The following VPS54 variants were observed in gnomAD, a reference collection of about 807,000 sequenced individuals.
The protein encoded by VPS54 is vacuolar protein sorting-associated protein 54.
A neutral mutation model predicts 121.5 loss-of-function variants in VPS54; 45 were observed. The ratio of observed to expected loss-of-function variants is 0.37; its 90% CI spans 0.29 to 0.47. The LOEUF (loss-of-function observed/expected upper bound fraction) is 0.47, where lower values mean the gene tolerates loss of function less well. VPS54 is among the 20% of genes least tolerant of loss of function. The pLI is 0.99. For missense variants in VPS54, 1,090 were observed against 1,131.4 expected (o/e 0.96, Z 0.52); for synonymous variants, 371 against 385.8 (o/e 0.96, Z 0.45).
At chr2:63,998,657 T>C (rs1337861630) in intron 1 of VPS54, among the ~76,000 whole-genome samples, 2 of 152,118 alleles carry the variant, frequency 1.3e-5, no homozygotes, top group Non-Finnish European at 2.9e-5. Flanking sequence ...ACACTGCTTG[T>C]ATAAATAGGC....
At chr2:63,989,587 C>T (rs1430169191) in intron 1 of VPS54, among the ~76,000 whole-genome samples, 3 of 152,084 alleles carry the variant, frequency 2.0e-5, no homozygotes, top group African/African-American at 7.2e-5. Flanking sequence ...CCTAAGTGCA[C>T]GTGGGAACCC....
chr2:63,980,761 A>G (rs1456253725), intron 3 of VPS54, among the ~76,000 whole-genome samples: 1 of 152,218 alleles, frequency 6.6e-6, no homozygotes. Flanking sequence ...TAGAAAAACC[A>G]AATTATAGGT....
At chr2:64,008,266 T>C (rs1678259052) in intron 1 of VPS54, among the ~76,000 whole-genome samples, 1 of 151,898 alleles carries the variant, frequency 6.6e-6, no homozygotes, top group Non-Finnish European at 1.5e-5. Flanking sequence ...TACGAAAAAT[T>C]AGCCGGGCAT....
intron 14 of VPS54, 116 bp from the exon 15 acceptor site, chr2:63,920,111 A>C (rs1390150683): frequency 1.3e-6 from 1 of 760,244 alleles, no homozygotes; most frequent in Admixed American, 3.3e-5. Context: ...AAAGTGCTGA[A>C]CACTTTAATA....
intron 4 of VPS54, among the ~76,000 whole-genome samples, chr2:63,971,667 A>G (rs997676511): frequency 2.6e-5 from 4 of 152,254 alleles, no homozygotes; most frequent in South Asian, 4.1e-4. Context: ...CGCATGTTAT[A>G]AAACATTACC....
intron 20 of VPS54, among the ~76,000 whole-genome samples, chr2:63,900,123 G>A (rs189072668): frequency 6.7e-6 from 1 of 148,706 alleles, no homozygotes; most frequent in African/African-American, 2.5e-5. Context: ...AGGAGGCTGA[G>A]ACAGGAGAAT....
At chr2:63,949,232 G>C (rs142886145) in intron 7 of VPS54, 69 bp from the exon 8 acceptor site, 2 of 1,486,364 alleles carry the variant, frequency 1.3e-6, no homozygotes, top group Admixed American at 4.4e-5. Flanking sequence ...ACAATCAAGG[G>C]AACTAGTAGG....
intron 19 of VPS54, 34 bp downstream of exon 19, chr2:63,912,506 A>C: frequency 6.2e-7 from 1 of 1,611,268 alleles, no homozygotes; most frequent in Non-Finnish European, 8.5e-7. Context: ...ATCTAAACTT[A>C]TGAAACGCCA....
chr2:63,938,204 G>A (rs1020079866), intron 11 of VPS54, among the ~76,000 whole-genome samples: 5 of 151,984 alleles, frequency 3.3e-5, no homozygotes, highest in African/African-American at 7.2e-5. Flanking sequence ...GGTCTCAAGC[G>A]ATTCTCCTGC....
chr2:63,946,054 T>C (rs534983547), intron 9 of VPS54, among the ~76,000 whole-genome samples: 4 of 152,140 alleles, frequency 2.6e-5, no homozygotes, highest in Non-Finnish European at 5.9e-5. Context: ...CAGTTACTAC[T>C]TCCTCCCAAA....
At position 63,908,008 on chromosome 2, in the gene VPS54, T is replaced by C. The variant is rs569443741; in HGVS notation, c.2625+4337A>G. Reference sequence around the variant, plus strand: ...TTTAGAAAAATTTTGCAGTTTCTTATAAAGTTACCATAAAATTTTATATTT... The same window carrying C: ...TTTAGAAAAATTTTGCAGTTTCTTACAAAGTTACCATAAAATTTTATATTT... On this transcript the variant is annotated intron_variant, in intron 20 of 22. Coordinates refer to ENST00000272322, the MANE Select transcript of VPS54 (RefSeq NM_016516.3). Among the ~76,000 whole-genome samples, 41 of 152,322 alleles carry C rather than the reference T, an allele frequency of 2.7e-4. 1 individual carries two copies. The South Asian group carries it at 8.3e-3, about 31-fold the overall frequency.
intron 15 of VPS54, among the ~76,000 whole-genome samples, chr2:63,918,994 T>A (rs1234075547): frequency 6.6e-6 from 1 of 152,086 alleles, no homozygotes; most frequent in Non-Finnish European, 1.5e-5. Context: ...TCTAGTTGCA[T>A]TTTGTGCGAA....
chr2:63,913,513 G>GA (rs1575898818), intron 17 of VPS54, among the ~76,000 whole-genome samples: 2 of 151,968 alleles, frequency 1.3e-5, no homozygotes, highest in Non-Finnish European at 2.9e-5. Context: ...TTACTGATAA[G>GA]AAAAAAGTTG....
At position 63,914,239 on chromosome 2, in the gene VPS54, C is replaced by G; in HGVS notation, c.2277G>C (p.Val759=). Reference sequence around the variant, plus strand: ...CAGTAGTAACAGATGGGATGTTATCCACACACTGGCAATATTCAAGGATAA... The same window carrying G: ...CAGTAGTAACAGATGGGATGTTATCGACACACTGGCAATATTCAAGGATAA... ...IRIILEYCQC[V]DNIPSVTTDM... Residue 759 remains valine (V), a synonymous_variant, in exon 17 of 23, where the codon GTG becomes GTC. Transcript: ENST00000272322. 2 of 1,613,418 alleles carry G rather than the reference C, an allele frequency of 1.2e-6. No homozygotes were observed. The highest frequency in any genetic ancestry group is 1.7e-6 in the Non-Finnish European group (2 of 1,179,674).
At chr2:64,004,104 G>A (rs1424722042) in intron 1 of VPS54, among the ~76,000 whole-genome samples, 1 of 151,820 alleles carries the variant, frequency 6.6e-6, no homozygotes, top group Admixed American at 6.6e-5. Context: ...GGGACAACTT[G>A]AGCATATTTT....
intron 7 of VPS54, among the ~76,000 whole-genome samples, chr2:63,953,744 G>A (rs775313577): frequency 1.3e-5 from 2 of 152,238 alleles, no homozygotes; most frequent in African/African-American, 2.4e-5. Context: ...TTTAAATGGC[G>A]ACTTATGGTA....
chr2:64,018,801 C>T (rs908302783), intron 1 of VPS54, 137 bp downstream of exon 1: 1 of 147,890 alleles, frequency 6.8e-6, no homozygotes, highest in African/African-American at 2.5e-5. Context: ...GCTTCAGTGC[C>T]GGTCAGCTGT....
At chr2:63,990,053 T>C (rs553233516) in intron 1 of VPS54, among the ~76,000 whole-genome samples, 43 of 152,334 alleles carry the variant, frequency 2.8e-4, no homozygotes, top group Admixed American at 1.8e-3. Context: ...TTTGGGGTGA[T>C]TGGGCCTTGG....
chr2:63,921,380 T>C (rs775297748), intron 12 of VPS54, 45 bp from the exon 13 acceptor site: 7 of 1,602,100 alleles, frequency 4.4e-6, no homozygotes, highest in South Asian at 2.2e-5. Flanking sequence ...GTTGTAAACA[T>C]AGTATTCTCC....
Sources: allele counts gnomAD v4.1 joint callset (sites outside exome capture counted in the v4.1 genomes callset), GRCh38; gene constraint gnomAD v4.1.1; transcripts MANE v1.5; gene names NCBI Gene and HGNC (gene_info 2026-07-23, HGNC 2026-07-21).